The following ACVR1 variants were observed in gnomAD, a reference collection of about 807,000 sequenced individuals.
ACVR1 encodes the protein activin A receptor type 1, also known as activin receptor type-1.
Under a neutral mutation model 57.1 loss-of-function variants are expected in ACVR1, and 38 were observed. The ratio of observed to expected loss-of-function variants is 0.67; its 90% CI spans 0.51 to 0.87. ACVR1 has a LOEUF of 0.87. Among genes scored for constraint, ACVR1 ranks in the 40% least tolerant of loss-of-function variants. The pLI, the probability that ACVR1 is intolerant of heterozygous loss-of-function variation, is 0.00. For synonymous variants in ACVR1, 212 were observed against 228.1 expected (o/e 0.93, Z 0.63); for missense variants, 463 against 638.2 (o/e 0.73, Z 2.96).
chr2:157,838,568 A>T (rs1470610951), intron 1 of ACVR1, among the ~76,000 whole-genome samples: 2 of 152,158 alleles, frequency 1.3e-5, no homozygotes, highest in African/African-American at 4.8e-5. Flanking sequence ...GCGCCATTAA[A>T]CCCAGAAAAT....
At chr2:157,789,953 G>C (rs1686848084) in intron 3 of ACVR1, among the ~76,000 whole-genome samples, 1 of 152,188 alleles carries the variant, frequency 6.6e-6, no homozygotes, top group Non-Finnish European at 1.5e-5. Flanking sequence ...GCTGTAAGGA[G>C]AACAATATGA....
intron 2 of ACVR1, among the ~76,000 whole-genome samples, chr2:157,807,927 T>C (rs1687618171): frequency 6.7e-6 from 1 of 149,176 alleles, no homozygotes; most frequent in Admixed American, 6.8e-5. Flanking sequence ...TCTCTCTCTC[T>C]CTCTCTCCCT....
At chr2:157,773,255 A>G (rs776618631) in intron 6 of ACVR1, among the ~76,000 whole-genome samples, 9 of 152,236 alleles carry the variant, frequency 5.9e-5, no homozygotes, top group Non-Finnish European at 1.0e-4. Context: ...ATCAGGAAAT[A>G]GGCACTTTGT....
At chr2:157,804,034 G>A (rs1687427593) in intron 2 of ACVR1, among the ~76,000 whole-genome samples, 1 of 151,996 alleles carries the variant, frequency 6.6e-6, no homozygotes, top group South Asian at 2.1e-4. Flanking sequence ...TCTCATATAT[G>A]ATCTACATTC....
chr2:157,783,726 T>C (rs1474522528), intron 3 of ACVR1, among the ~76,000 whole-genome samples: 6 of 152,248 alleles, frequency 3.9e-5, no homozygotes, highest in African/African-American at 1.2e-4. Flanking sequence ...GTCTAACAGC[T>C]AACAGGGAAG....
At chr2:157,797,010 A>G (rs1687148398) in intron 3 of ACVR1, among the ~76,000 whole-genome samples, 1 of 152,240 alleles carries the variant, frequency 6.6e-6, no homozygotes, top group Non-Finnish European at 1.5e-5. Context: ...CAACAGAAAC[A>G]AAATGTGAGC....
At chr2:157,741,314 C>T (rs1684750602) in intron 9 of ACVR1, among the ~76,000 whole-genome samples, 1 of 152,000 alleles carries the variant, frequency 6.6e-6, no homozygotes, top group Non-Finnish European at 1.5e-5. Context: ...GCTGGGTGTG[C>T]CCGAGGCTGT....
In ACVR1 at chr2:157,826,864, G is replaced by GGGAAAGGAAAGGAAA. The variant is rs137947402; in HGVS notation, c.-182-8320_-182-8306dup. ...AGGGGAAAAGGAAAAGAAGAAGGAA[G>GGGAAAGGAAAGGAAA]GGAAAGGAAAGGAAAGGAAAGGAAA... On this transcript the variant is annotated intron_variant, in intron 1 of 10. Coordinates refer to ENST00000434821, the MANE Select transcript of ACVR1 (RefSeq NM_001111067.4). Among the ~76,000 whole-genome samples, 52 of 105,594 alleles carry GGGAAAGGAAAGGAAA rather than the reference G, an allele frequency of 4.9e-4. 2 individuals carry two copies. Among genetic ancestry groups the GGGAAAGGAAAGGAAA allele is most frequent in the African/African-American group, 2.0e-3 (48 of 24,488 alleles). 69.3% of individuals were successfully genotyped at this position (105,594 alleles called of 152,430 possible). A position where few individuals can be genotyped will look rare whatever the true frequency, so the allele number is the denominator to read the frequency against.
At chr2:157,859,831 C>G (rs571736570) in intron 1 of ACVR1, among the ~76,000 whole-genome samples, 1 of 152,188 alleles carries the variant, frequency 6.6e-6, no homozygotes, top group Non-Finnish European at 1.5e-5. Context: ...GCCTCACATG[C>G]TGCTAGGTGA....
At chr2:157,867,655 C>T (rs550527479) in intron 1 of ACVR1, among the ~76,000 whole-genome samples, 287 of 147,924 alleles carry the variant, frequency 1.9e-3, no homozygotes, top group African/African-American at 6.8e-3. Context: ...AAAATGTCCC[C>T]CATTTTTACA....
intron 1 of ACVR1, among the ~76,000 whole-genome samples, chr2:157,856,777 T>C (rs1225536118): frequency 1.3e-5 from 2 of 152,184 alleles, no homozygotes; most frequent in East Asian, 3.8e-4. Flanking sequence ...TTGTGTATGT[T>C]TTAAATATTT....
intron 1 of ACVR1, among the ~76,000 whole-genome samples, chr2:157,831,111 G>A (rs1232992985): frequency 6.6e-6 from 1 of 151,998 alleles, no homozygotes; most frequent in African/African-American, 2.4e-5. Flanking sequence ...CCTTCTTAAA[G>A]GTTTTTCCCC....
intron 4 of ACVR1, 81 bp from the exon 5 acceptor site, chr2:157,778,423 T>A (rs2105278286): frequency 8.5e-7 from 1 of 1,173,296 alleles, no homozygotes; most frequent in East Asian, 2.4e-5. Flanking sequence ...TCCTAACAAG[T>A]AGCTCCTGAT....
chr2:157,816,962 CA>C (rs1370994801), intron 2 of ACVR1, among the ~76,000 whole-genome samples: 1 of 151,450 alleles, frequency 6.6e-6, no homozygotes, highest in Admixed American at 6.6e-5. Context: ...GATAGCGAGA[CA>C]TTTTTTTTTT....
At chr2:157,826,815 G>A (rs1233813711) in intron 1 of ACVR1, among the ~76,000 whole-genome samples, 3 of 136,270 alleles carry the variant, frequency 2.2e-5, no homozygotes, top group African/African-American at 8.5e-5. Flanking sequence ...AAAAGGAAAG[G>A]AAAGGGGAGA....
chr2:157,824,365 G>A (rs969458086), intron 1 of ACVR1, among the ~76,000 whole-genome samples: 6 of 152,172 alleles, frequency 3.9e-5, no homozygotes, highest in Non-Finnish European at 7.3e-5. Flanking sequence ...CTACTCAGGA[G>A]GCTGAGATGG....
chr2:157,863,858 G>A (rs1213151498), intron 1 of ACVR1, among the ~76,000 whole-genome samples: 1 of 150,878 alleles, frequency 6.6e-6, no homozygotes, highest in Non-Finnish European at 1.5e-5. Context: ...AATGTTGCAG[G>A]AGCAAATTCT....
intron 1 of ACVR1, among the ~76,000 whole-genome samples, chr2:157,822,732 T>C (rs1315218710): frequency 6.6e-6 from 1 of 152,202 alleles, no homozygotes; most frequent in South Asian, 2.1e-4. Context: ...ACAGGCACAC[T>C]TGTTCATTTT....
At chr2:157,811,477 T>C (rs1222208851) in intron 2 of ACVR1, among the ~76,000 whole-genome samples, 1 of 152,228 alleles carries the variant, frequency 6.6e-6, no homozygotes, top group African/African-American at 2.4e-5. Context: ...TCAAGTTACA[T>C]AGAAACAGAA....
Sources: gnomAD v4.1 joint callset for allele counts (sites outside exome capture counted in the v4.1 genomes callset) on GRCh38, gnomAD v4.1.1 for gene constraint, MANE v1.5 for transcripts, NCBI Gene and HGNC (gene_info 2026-07-23, HGNC 2026-07-21) for gene names.